Variants in KAT6B observed in about 807,000 individuals in gnomAD.
KAT6B encodes the protein histone acetyltransferase KAT6B.
KAT6B carries 10 observed loss-of-function variants against 187.5 expected under a neutral mutation model. That is an observed-to-expected ratio of 0.05 (90% CI 0.03 to 0.09). The LOEUF (loss-of-function observed/expected upper bound fraction) is 0.09, where lower values mean the gene tolerates loss of function less well. Among genes scored for constraint, KAT6B ranks in the 10% least tolerant of loss-of-function variants. The pLI, the probability that KAT6B is intolerant of heterozygous loss-of-function variation, is 1.00. For missense variants in KAT6B, 1,952 were observed against 2,558.9 expected (o/e 0.76, Z 5.12); for synonymous variants, 861 against 926.8 (o/e 0.93, Z 1.29).
chr10:74,869,270 A>G (rs140274190), intron 3 of KAT6B, among the ~76,000 whole-genome samples: 159 of 151,548 alleles, frequency 1.0e-3, no homozygotes, highest in African/African-American at 3.3e-3. Flanking sequence ...ACATAGTGTT[A>G]TTTTATACAT....
chr10:74,830,009 T>C (rs1326272339), intron 1 of KAT6B, among the ~76,000 whole-genome samples: 9 of 141,768 alleles, frequency 6.3e-5, no homozygotes, highest in Non-Finnish European at 9.0e-5. Flanking sequence ...AGAGCGAGAC[T>C]CTGTCTCAAA....
intron 3 of KAT6B, among the ~76,000 whole-genome samples, chr10:74,849,900 A>G (rs1197978351): frequency 6.6e-6 from 1 of 151,004 alleles, no homozygotes; most frequent in African/African-American, 2.4e-5. Context: ...CTGACCTCAG[A>G]GCTCTTTACC....
At chr10:74,943,108 T>A (rs1397347348) in intron 3 of KAT6B, among the ~76,000 whole-genome samples, 2 of 152,230 alleles carry the variant, frequency 1.3e-5, no homozygotes, top group Admixed American at 1.3e-4. Flanking sequence ...TTAAGACAGC[T>A]GCTAAAACTA....
chr10:74,962,876 A>AG (rs1564591409), intron 4 of KAT6B, among the ~76,000 whole-genome samples: 1 of 152,012 alleles, frequency 6.6e-6, no homozygotes, highest in Non-Finnish European at 1.5e-5. Flanking sequence ...AAAAAAAAAA[A>AG]TCATTCAAGT....
At chr10:74,958,909 G>A (rs1304538286) in intron 3 of KAT6B, among the ~76,000 whole-genome samples, 2 of 151,712 alleles carry the variant, frequency 1.3e-5, no homozygotes, top group African/African-American at 2.4e-5. Context: ...TTGGTGGCAC[G>A]CGCCTGTAGT....
chr10:74,929,578 A>G (rs1238431174), intron 3 of KAT6B, among the ~76,000 whole-genome samples: 1 of 152,226 alleles, frequency 6.6e-6, no homozygotes, highest in Admixed American at 6.5e-5. Flanking sequence ...TGTCAAAAAA[A>G]ACCAAGGAAC....
chr10:74,962,664 C>T (rs1168706360), intron 4 of KAT6B, among the ~76,000 whole-genome samples: 19 of 152,170 alleles, frequency 1.2e-4, no homozygotes, highest in Admixed American at 1.2e-3. Context: ...TGATGCTTTT[C>T]AGTCGTCCCT....
intron 13 of KAT6B, among the ~76,000 whole-genome samples, chr10:75,016,925 A>T (rs1199334588): frequency 7.5e-6 from 1 of 133,182 alleles, no homozygotes; most frequent in African/African-American, 2.9e-5. Context: ...GTGCAATGGC[A>T]TGATCTCGGC....
intron 4 of KAT6B, among the ~76,000 whole-genome samples, chr10:74,967,329 CA>C (rs143829532): frequency 2.9e-3 from 326 of 113,380 alleles, no homozygotes; most frequent in East Asian, 9.1e-3. Context: ...GACTCCGTCT[CA>C]AAAAAAAAAA....
intron 11 of KAT6B, chr10:74,984,330 A>T (rs989231153): frequency 7.2e-5 from 11 of 152,264 alleles, no homozygotes; most frequent in Non-Finnish European, 1.3e-4. Flanking sequence ...GTGCTAGGGA[A>T]ATTCTTCTTG....
intron 1 of KAT6B, among the ~76,000 whole-genome samples, chr10:74,835,717 A>G (rs1419637054): frequency 6.6e-6 from 1 of 152,232 alleles, no homozygotes; most frequent in Non-Finnish European, 1.5e-5. Context: ...TTTACTGATA[A>G]TCTATGTAAA....
intron 3 of KAT6B, among the ~76,000 whole-genome samples, chr10:74,851,163 A>C (rs1471025384): frequency 2.0e-5 from 3 of 151,658 alleles, no homozygotes; most frequent in Non-Finnish European, 4.4e-5. Flanking sequence ...GCCGGAGTGC[A>C]GTGGCGCAAT....
intron 3 of KAT6B, among the ~76,000 whole-genome samples, chr10:74,907,869 C>A (rs1846889291): frequency 6.6e-6 from 1 of 152,116 alleles, no homozygotes; most frequent in Non-Finnish European, 1.5e-5. Flanking sequence ...AATAGTTATT[C>A]CTTTGAACCT....
intron 13 of KAT6B, among the ~76,000 whole-genome samples, chr10:75,011,051 A>C (rs762747149): frequency 2.6e-5 from 4 of 152,158 alleles, no homozygotes; most frequent in Non-Finnish European, 4.4e-5. Flanking sequence ...TTAGACATGA[A>C]AATTTTATCC....
chr10:74,952,674 A>G (rs1352360830), intron 3 of KAT6B, among the ~76,000 whole-genome samples: 1 of 151,912 alleles, frequency 6.6e-6, no homozygotes, highest in Non-Finnish European at 1.5e-5. Flanking sequence ...AGCAAACTAA[A>G]GAGACACAGA....
At chr10:74,968,369 A>C (rs374617701) in intron 4 of KAT6B, among the ~76,000 whole-genome samples, 60 of 152,086 alleles carry the variant, frequency 3.9e-4, no homozygotes, top group African/African-American at 1.3e-3. Flanking sequence ...AACATCTTAA[A>C]TACAGATGTT....
intron 4 of KAT6B, among the ~76,000 whole-genome samples, chr10:74,962,865 T>TAA (rs59621480): frequency 1.3e-5 from 2 of 148,650 alleles, no homozygotes; most frequent in East Asian, 3.9e-4. Context: ...AAAAATTCTT[T>TAA]AAAAAAAAAA....
chr10:74,828,262 A>G (rs865856483), intron 1 of KAT6B, among the ~76,000 whole-genome samples: 42 of 152,276 alleles, frequency 2.8e-4, no homozygotes, highest in African/African-American at 7.9e-4. Context: ...AGGGGTAGTG[A>G]TAAAGAATTA....
chr10:74,960,215 AAAAGT>A (rs1006525256), intron 4 of KAT6B, 137 bp downstream of exon 4: 8 of 715,136 alleles, frequency 1.1e-5, no homozygotes, highest in African/African-American at 3.5e-5. Flanking sequence ...TTTTAAAAGA[AAAAGT>A]AAGGAATAGA....
Sources: gnomAD v4.1 joint callset for allele counts (sites outside exome capture counted in the v4.1 genomes callset) on GRCh38, gnomAD v4.1.1 for gene constraint, MANE v1.5 for transcripts, NCBI Gene and HGNC (gene_info 2026-07-23, HGNC 2026-07-21) for gene names.